Variants in SLC4A4 observed in about 807,000 individuals in gnomAD.
SLC4A4 encodes the protein solute carrier family 4 member 4, also known as electrogenic sodium bicarbonate cotransporter 1.
SLC4A4 carries 27 observed loss-of-function variants against 111.5 expected under a neutral mutation model. The observed-to-expected ratio is 0.24, with a 90% CI of 0.18 to 0.33. SLC4A4 has a LOEUF of 0.33. Among genes scored for constraint, SLC4A4 ranks in the 10% least tolerant of loss-of-function variants. SLC4A4 has a pLI of 1.00. For missense variants in SLC4A4, 909 were observed against 1,315.5 expected, an observed-to-expected ratio of 0.69 and a Z score of 4.78; for synonymous variants, 443 against 463.4, an observed-to-expected ratio of 0.96 and a Z score of 0.57.
chr4:71,350,102 T>A, intron 5 of SLC4A4, 30 bp downstream of exon 5: 1 of 1,613,116 alleles, frequency 6.2e-7, no homozygotes, highest in East Asian at 2.2e-5. Context: ...TTTATCCTAT[T>A]TTTTTCGGCT....
At chr4:71,215,677 G>A (rs1045649008) in intron 1 of SLC4A4, among the ~76,000 whole-genome samples, 6 of 152,112 alleles carry the variant, frequency 3.9e-5, no homozygotes, top group African/African-American at 1.4e-4. Context: ...ATGATTATGG[G>A]ACTGTGTTTC....
intron 2 of SLC4A4, among the ~76,000 whole-genome samples, chr4:71,094,848 C>T (rs1400538699): frequency 5.3e-5 from 8 of 152,116 alleles, no homozygotes; most frequent in African/African-American, 1.9e-4. Context: ...AGCTTCAGAG[C>T]CAAGCTCTAT....
In SLC4A4 at chr4:71,279,332, A is replaced by T. The variant is rs185333249; in HGVS notation, c.253+23933A>T. ...CTTTAAGATTCCACATATAAGTGAGATCAAGGAATATTTGTCTTTGTGCCT... is the reference window on the plus strand; with the variant it reads ...CTTTAAGATTCCACATATAAGTGAGTTCAAGGAATATTTGTCTTTGTGCCT... On this transcript the variant is annotated intron_variant, in intron 3 of 25. Transcript: ENST00000264485. Among the ~76,000 whole-genome samples the T allele has an allele frequency of 5.3e-5, 8 of 152,192 alleles. 1 individual carries two copies. The highest frequency in any genetic ancestry group is 1.9e-4 in the African/African-American group (8 of 41,532).
chr4:71,067,005 G>T (rs149609326), intron 1 of SLC4A4, among the ~76,000 whole-genome samples: 1 of 152,162 alleles, frequency 6.6e-6, no homozygotes, highest in South Asian at 2.1e-4. Flanking sequence ...GAGAGGTAAG[G>T]GGGTAGAGAT....
chr4:71,430,354 C>T (rs1723525046), intron 7 of SLC4A4, among the ~76,000 whole-genome samples: 1 of 151,882 alleles, frequency 6.6e-6, no homozygotes, highest in Non-Finnish European at 1.5e-5. Context: ...AATTTCCATC[C>T]AAAGCAGAAT....
At chr4:71,481,017 A>G (rs1237009247) in intron 14 of SLC4A4, among the ~76,000 whole-genome samples, 2 of 151,728 alleles carry the variant, frequency 1.3e-5, no homozygotes, top group South Asian at 2.1e-4. Context: ...ATTTAGATCT[A>G]TCCTGTGTTT....
intron 2 of SLC4A4, among the ~76,000 whole-genome samples, chr4:71,128,894 C>G (rs1299508801): frequency 6.6e-6 from 1 of 152,168 alleles, no homozygotes; most frequent in Non-Finnish European, 1.5e-5. Context: ...GTCTTAGTAT[C>G]TAAGTAAATC....
intron 3 of SLC4A4, among the ~76,000 whole-genome samples, chr4:71,262,749 C>A (rs1453185396): frequency 6.6e-6 from 1 of 151,766 alleles, no homozygotes; most frequent in African/African-American, 2.4e-5. Flanking sequence ...AAATAACAAA[C>A]AAACAAACAA....
rs138339656 is a variant in SLC4A4, at chr4:71,300,863, G to A, written c.254-38507G>A. 7.0e-4 allele frequency: 335 copies of A among 482,002 alleles called. 4 individuals carry two copies. Among genetic ancestry groups the A allele is most frequent in the Non-Finnish European group, 9.6e-4 (228 of 236,574 alleles). 29.9% of individuals were successfully genotyped at this position (482,002 alleles called of 1,614,324 possible). On this transcript the variant is annotated intron_variant, in intron 3 of 25. Transcript: ENST00000264485. The stretch of plus-strand genomic sequence containing the variant: ...AGGCAGAGACAGTGGAACAGGGCCC[G>A]CTTCCAATCTTGAGATTGCTCAGCA...
At chr4:71,364,373 T>C (rs1731058163) in intron 6 of SLC4A4, among the ~76,000 whole-genome samples, 1 of 152,202 alleles carries the variant, frequency 6.6e-6, no homozygotes, top group Non-Finnish European at 1.5e-5. Context: ...TGAAAATTAT[T>C]AAATAAGCAG....
At chr4:71,184,105 T>A, upstream of SLC4A4, among the ~76,000 whole-genome samples, 1 of 152,196 alleles carries the variant, frequency 6.6e-6, no homozygotes, top group East Asian at 1.9e-4. Context: ...TCCTATTTTA[T>A]GTAATGAGGA....
At chr4:71,419,062 C>T (rs941747861) in intron 7 of SLC4A4, among the ~76,000 whole-genome samples, 2 of 152,158 alleles carry the variant, frequency 1.3e-5, no homozygotes, top group Non-Finnish European at 2.9e-5. Context: ...AGTTTTGTCT[C>T]AGAGGAGTAC....
intron 2 of SLC4A4, among the ~76,000 whole-genome samples, chr4:71,117,742 G>GTTC (rs1560728624): frequency 1.3e-5 from 2 of 152,090 alleles, no homozygotes; most frequent in Non-Finnish European, 2.9e-5. Flanking sequence ...GATGGAAAGG[G>GTTC]TTCTCTCCCT....
At chr4:71,201,555 C>G (rs987756632) in intron 1 of SLC4A4, among the ~76,000 whole-genome samples, 1 of 152,160 alleles carries the variant, frequency 6.6e-6, no homozygotes, top group Admixed American at 6.5e-5. Context: ...TCCCAACCTT[C>G]TTTAATTCCT....
At chr4:71,420,208 A>G (rs1722303097) in intron 7 of SLC4A4, among the ~76,000 whole-genome samples, 3 of 152,252 alleles carry the variant, frequency 2.0e-5, no homozygotes, top group African/African-American at 7.2e-5. Flanking sequence ...TCAGGAGCCA[A>G]TGCAATCAAC....
At chr4:71,085,887 G>A (rs996960289) in intron 1 of SLC4A4, among the ~76,000 whole-genome samples, 9 of 151,974 alleles carry the variant, frequency 5.9e-5, no homozygotes, top group African/African-American at 2.2e-4. Flanking sequence ...GGCAATGTGG[G>A]CTCTTTTTTG....
chr4:71,147,762 C>A (rs1186672880), intron 2 of SLC4A4, among the ~76,000 whole-genome samples: 1 of 152,070 alleles, frequency 6.6e-6, no homozygotes, highest in African/African-American at 2.4e-5. Flanking sequence ...GGGGGCATTG[C>A]CACCACCCAT....
chr4:71,446,196 A>G (rs1170152364), intron 8 of SLC4A4, among the ~76,000 whole-genome samples: 1 of 152,210 alleles, frequency 6.6e-6, no homozygotes, highest in Non-Finnish European at 1.5e-5. Flanking sequence ...AAAAAAAGTA[A>G]TTATACATTC....
chr4:71,506,912 T>C (rs1230968339), intron 16 of SLC4A4, among the ~76,000 whole-genome samples: 3 of 152,060 alleles, frequency 2.0e-5, no homozygotes, highest in Non-Finnish European at 2.9e-5. Flanking sequence ...GGAAATCCTA[T>C]GAGCCAGAAG....
Sources: allele counts gnomAD v4.1 joint callset (sites outside exome capture counted in the v4.1 genomes callset), GRCh38; gene constraint gnomAD v4.1.1; transcripts MANE v1.5; gene names NCBI Gene and HGNC (gene_info 2026-07-23, HGNC 2026-07-21).